The following SAMD3 variants were observed in gnomAD, a reference collection of about 807,000 sequenced individuals.
SAMD3 encodes sterile alpha motif domain-containing protein 3.
Under a neutral mutation model 58.5 loss-of-function variants are expected in SAMD3, and 63 were observed. The ratio of observed to expected loss-of-function variants is 1.08; its 90% CI spans 0.88 to 1.33. SAMD3 has a LOEUF of 1.33. Among genes scored for constraint, SAMD3 ranks in the 40% most tolerant of loss-of-function variants. The pLI is 0.00. For missense variants in SAMD3, 604 were observed against 608.4 expected (o/e 0.99, Z 0.08); for synonymous variants, 220 against 210.3 (o/e 1.05, Z -0.40).
At chr6:130,220,829 A>G (rs1403833027) in intron 1 of SAMD3, among the ~76,000 whole-genome samples, 1 of 152,128 alleles carries the variant, frequency 6.6e-6, no homozygotes, top group African/African-American at 2.4e-5. Context: ...AAACTTAGAA[A>G]CAGAAACATT....
At chr6:130,264,256 C>A (rs193123933) in intron 2 of SAMD3, among the ~76,000 whole-genome samples, 1 of 152,194 alleles carries the variant, frequency 6.6e-6, no homozygotes, top group Non-Finnish European at 1.5e-5. Flanking sequence ...ATCCCGAAGT[C>A]TGGCACCCTG....
rs140417432 is a variant in SAMD3, at chr6:130,314,623, T to G, written c.-303-1530A>C. Among the ~76,000 whole-genome samples, 1,104 of 152,306 alleles carry G rather than the reference T, an allele frequency of 7.2e-3. 32 individuals are homozygous for G. The highest frequency in any genetic ancestry group is 0.047 in the Admixed American group (722 of 15,290). On this transcript the variant is annotated intron_variant, in intron 1 of 13. Coordinates refer to the SAMD3 transcript ENST00000368134. ...TAAGGGATCAGGTGGGATTTAGCCATAAGAAGTAACCAAAAAGGATATTGA... is the reference window on the plus strand; with the variant it reads ...TAAGGGATCAGGTGGGATTTAGCCAGAAGAAGTAACCAAAAAGGATATTGA...
At chr6:130,161,342 A>G (rs940156564) in intron 8 of SAMD3, 9 of 152,246 alleles carry the variant, frequency 5.9e-5, no homozygotes, top group Admixed American at 2.0e-4. Context: ...TTAATTATCT[A>G]AATGGCTTTC....
At chr6:130,184,212 T>C (rs753203761) in intron 6 of SAMD3, 25 bp from the exon 7 acceptor site, 26 of 1,575,504 alleles carry the variant, frequency 1.7e-5, no homozygotes, top group Non-Finnish European at 2.0e-5. Context: ...AAGGAGGATA[T>C]GTTTCACTTC....
chr6:130,349,404 C>T (rs1260773895), intron 1 of SAMD3, among the ~76,000 whole-genome samples: 2 of 152,244 alleles, frequency 1.3e-5, no homozygotes, highest in South Asian at 4.1e-4. Flanking sequence ...GATATCACCA[C>T]CAATCCACAG....
intron 7 of SAMD3, among the ~76,000 whole-genome samples, chr6:130,179,261 T>C (rs1158650892): frequency 6.6e-6 from 1 of 152,350 alleles, no homozygotes; most frequent in Non-Finnish European, 1.5e-5. Flanking sequence ...GAATCTGCTA[T>C]ATGCCTGACA....
At chr6:130,236,467 C>T (rs963812859) in intron 2 of SAMD3, among the ~76,000 whole-genome samples, 7 of 151,886 alleles carry the variant, frequency 4.6e-5, no homozygotes, top group Admixed American at 2.0e-4. Flanking sequence ...CACTGCAACC[C>T]CCGCCTCCCG....
At chr6:130,294,015 G>A (rs898239452) in intron 2 of SAMD3, among the ~76,000 whole-genome samples, 20 of 152,132 alleles carry the variant, frequency 1.3e-4, no homozygotes, top group African/African-American at 4.6e-4. Context: ...GGATTACCTT[G>A]ATTTAAGTGA....
At chr6:130,213,660 A>T (rs1403211234) in intron 4 of SAMD3, among the ~76,000 whole-genome samples, 1 of 152,186 alleles carries the variant, frequency 6.6e-6, no homozygotes, top group Non-Finnish European at 1.5e-5. Flanking sequence ...GTAAAATGAA[A>T]TTTTTAATCT....
Position 130,162,375 on chromosome 6 carries a change from TATAG to T in SAMD3, c.823-7354_823-7351del, listed in dbSNP as rs1346981710. 7.0e-5 allele frequency: 46 copies of T among 660,778 alleles called. No individual in the cohort carries two copies. The East Asian group carries it at 1.2e-3, about 17-fold the overall frequency. The allele number at this position is 660,778 out of a possible 1,614,324, so 40.9% of individuals were successfully genotyped here. ...AAGACGGCATGGTTAAAAATGTAGTTATAGCTTTTTTATCTCCCAGAAATGAATA... is the reference window on the plus strand; with the variant it reads ...AAGACGGCATGGTTAAAAATGTAGTTCTTTTTTATCTCCCAGAAATGAATA... On this transcript the variant is annotated intron_variant, in intron 8 of 11. Transcript: ENST00000439090.
In SAMD3 at chr6:130,144,497, C is replaced by G. The variant is rs1332048252; in HGVS notation, c.*23G>C. 3 of 1,602,772 alleles carry G rather than the reference C, an allele frequency of 1.9e-6. No individual in the cohort carries two copies. The highest frequency in any genetic ancestry group is 1.1e-5 in the South Asian group (1 of 89,042). ...GCTTCAGTTTTCCCAGAGGTAAATTCCAGTACAATATTTGGCATGCTATTA... is the reference window on the plus strand; with the variant it reads ...GCTTCAGTTTTCCCAGAGGTAAATTGCAGTACAATATTTGGCATGCTATTA... On this transcript the variant is annotated 3_prime_UTR_variant, in exon 12 of 12. Coordinates refer to ENST00000439090, the MANE Select transcript of SAMD3 (RefSeq NM_001017373.4).
chr6:130,355,869 A>G (rs372185442), intron 1 of SAMD3, among the ~76,000 whole-genome samples: 6 of 151,938 alleles, frequency 3.9e-5, no homozygotes, highest in African/African-American at 1.2e-4. Flanking sequence ...TGTAGAGCGC[A>G]TGATTTAGTG....
intron 2 of SAMD3, among the ~76,000 whole-genome samples, chr6:130,254,833 ATTAG>A (rs1237465930): frequency 1.3e-5 from 2 of 151,868 alleles, no homozygotes; most frequent in African/African-American, 2.4e-5. Context: ...AAGAATTGGT[ATTAG>A]TTCTTCTTTA....
chr6:130,209,492 C>CTGTTTCAAT lies in SAMD3; in HGVS notation c.383+2_383+3insATTGAAACA. 6.5e-7 allele frequency: 1 copy of CTGTTTCAAT among 1,543,164 alleles called. No homozygotes were observed. The highest frequency in any genetic ancestry group is 9.0e-7 in the Non-Finnish European group (1 of 1,116,054). On this transcript the variant is annotated splice_region_variant and intron_variant, in intron 5 of 11. Transcript: ENST00000439090. The stretch of plus-strand genomic sequence containing the variant: ...TAAACTGTCTTAAAGTTGGTACCCC[C>CTGTTTCAAT]ACCTCTGTTTCAATACTCTTTGGTC...
intron 9 of SAMD3, among the ~76,000 whole-genome samples, chr6:130,149,511 C>G (rs568192031): frequency 6.6e-6 from 1 of 152,252 alleles, no homozygotes; most frequent in Non-Finnish European, 1.5e-5. Context: ...TACATGTACA[C>G]CATGGAATAC....
At chr6:130,172,207 A>G (rs776178003) in intron 8 of SAMD3, among the ~76,000 whole-genome samples, 5 of 152,214 alleles carry the variant, frequency 3.3e-5, no homozygotes, top group Non-Finnish European at 5.9e-5. Context: ...TAGTCCATTT[A>G]CATTTAAGGC....
At chr6:130,225,461 A>G (rs1796361723), upstream of SAMD3, among the ~76,000 whole-genome samples, 1 of 152,226 alleles carries the variant, frequency 6.6e-6, no homozygotes, top group Admixed American at 6.5e-5. Context: ...TTAAAACCAG[A>G]AGGATTAATT....
chr6:130,200,228 C>CTTGTTG (rs1459031359), intron 5 of SAMD3, among the ~76,000 whole-genome samples: 4 of 152,072 alleles, frequency 2.6e-5, no homozygotes, highest in African/African-American at 7.2e-5. Context: ...ACAAGTCTCA[C>CTTGTTG]AGAGCTATCA....
chr6:130,261,205 C>CTTTGGT lies in SAMD3; in HGVS notation c.-187-38398_-187-38393dup, dbSNP rs373328976. ...CACCCACGGCGTGCCTTTATCAGCACTTTGGTTTTGGTTTTGGTTTTGACT... is the reference window on the plus strand; with the variant it reads ...CACCCACGGCGTGCCTTTATCAGCACTTTGGTTTTGGTTTTGGTTTTGGTTTTGACT... On this transcript the variant is annotated intron_variant, in intron 2 of 13. Coordinates refer to the SAMD3 transcript ENST00000368134. Among the ~76,000 whole-genome samples, 10 of 109,496 alleles carry CTTTGGT rather than the reference C, an allele frequency of 9.1e-5. 3 individuals are homozygous for CTTTGGT. The highest frequency in any genetic ancestry group is 1.2e-4 in the Non-Finnish European group (7 of 58,110). The allele number at this position is 109,496 out of a possible 152,430, so 71.8% of individuals were successfully genotyped here.
Sources: allele counts gnomAD v4.1 joint callset (sites outside exome capture counted in the v4.1 genomes callset), GRCh38; gene constraint gnomAD v4.1.1; transcripts MANE v1.5; gene names NCBI Gene and HGNC (gene_info 2026-07-23, HGNC 2026-07-21).